The following ELL2 variants were observed in gnomAD, a reference collection of about 807,000 sequenced individuals.
ELL2 encodes the protein RNA polymerase II elongation factor ELL2.
Under a neutral mutation model 72.8 loss-of-function variants are expected in ELL2, and 21 were observed. The ratio of observed to expected loss-of-function variants is 0.29; its 90% CI spans 0.20 to 0.42. ELL2 has a LOEUF of 0.42. Among genes scored for constraint, ELL2 ranks in the 10% least tolerant of loss-of-function variants. The probability of loss-of-function intolerance (pLI) is 1.00; values close to 1 mark genes in which losing one functional copy is unlikely to be tolerated. For synonymous variants in ELL2, 266 were observed against 283.2 expected (o/e 0.94, Z 0.61); for missense variants, 568 against 772.8 (o/e 0.73, Z 3.14).
chr5:95,891,824 C>T (rs1365331201), intron 9 of ELL2, among the ~76,000 whole-genome samples: 1 of 152,208 alleles, frequency 6.6e-6, no homozygotes, highest in Non-Finnish European at 1.5e-5. Flanking sequence ...TCCTCTATCC[C>T]TTTCCTCATA....
At position 95,961,612 on chromosome 5, in the gene ELL2, G is replaced by C. The variant is rs1707657164; in HGVS notation, c.110C>G (p.Thr37Arg). The C allele has an allele frequency of 1.9e-6, 3 of 1,606,070 alleles. No individual in the cohort carries two copies. The highest frequency in any genetic ancestry group is 2.7e-5 in the African/African-American group (2 of 73,454). ...GTAAGTCTCGAGCGCCCGGATCGCC[G>C]TCTCGGTGAGCTTCACATGCAGTAC... ...ITVLHVKLTE[T>R]AIRALETYQS... Residue 37 changes from threonine (T) to arginine (R), a missense_variant, in exon 1 of 12, where the codon ACG becomes AGG. Transcript: ENST00000237853.
Position 95,943,106 on chromosome 5 carries a change from C to A in ELL2, c.148-57G>T. 1.1e-5 allele frequency: 16 copies of A among 1,450,090 alleles called. No homozygotes were observed. The South Asian group carries it at 1.6e-4, about 15-fold the overall frequency. 89.8% of individuals were successfully genotyped at this position (1,450,090 alleles called of 1,614,324 possible). A position where few individuals can be genotyped will look rare whatever the true frequency, so the allele number is the denominator to read the frequency against. On this transcript the variant is annotated intron_variant, in intron 1 of 11. Transcript: ENST00000237853. ...AAACCTTGGTTACTGTGACATAGAA[C>A]TAAATGTTTAAACTTTAAATCTATG...
At position 95,906,727 on chromosome 5, in the gene ELL2, C is replaced by T. The variant is rs770126062; in HGVS notation, c.537G>A (p.Glu179=). 11 of 1,613,962 alleles carry T rather than the reference C, an allele frequency of 6.8e-6. No homozygotes were observed. In the East Asian group the frequency reaches 2.5e-4, roughly 36 times the overall value. The change falls in exon 5 of 12, where the codon GAG becomes GAA. Residue 179 remains glutamate (E), a synonymous_variant. Transcript: ENST00000237853. ...GGTTCATGGGGGTTGACCTTTTCCTCTCAGGAACTGTATCTGAAACAGCTT... is the reference window on the plus strand; with the variant it reads ...GGTTCATGGGGGTTGACCTTTTCCTTTCAGGAACTGTATCTGAAACAGCTT... ...APQAVSDTVP[E]RKRSTPMNPA... is the part of the protein sequence containing the mutation.
chr5:95,904,198 T>A (rs775707693), intron 5 of ELL2, among the ~76,000 whole-genome samples: 6 of 152,190 alleles, frequency 3.9e-5, no homozygotes, highest in Non-Finnish European at 5.9e-5. Context: ...GTCTCATGAA[T>A]AAGCTCCATG....
intron 5 of ELL2, among the ~76,000 whole-genome samples, chr5:95,905,621 C>A (rs1041813812): frequency 1.3e-5 from 2 of 152,100 alleles, no homozygotes; most frequent in Non-Finnish European, 2.9e-5. Flanking sequence ...GACTGGCTAA[C>A]CTGAATTGGA....
At chr5:95,921,959 C>A (rs144997642) in intron 2 of ELL2, among the ~76,000 whole-genome samples, 1 of 152,184 alleles carries the variant, frequency 6.6e-6, no homozygotes, top group African/African-American at 2.4e-5. Flanking sequence ...GCTCCAGCTT[C>A]GGTTTAGATC....
intron 2 of ELL2, among the ~76,000 whole-genome samples, chr5:95,927,104 G>A (rs1263653975): frequency 1.3e-5 from 2 of 151,878 alleles, no homozygotes; most frequent in East Asian, 3.9e-4. Context: ...CACTGTTTAG[G>A]TTTCTATGAC....
At chr5:95,952,955 T>C (rs1309759287) in intron 1 of ELL2, among the ~76,000 whole-genome samples, 2 of 152,182 alleles carry the variant, frequency 1.3e-5, no homozygotes, top group Admixed American at 6.5e-5. Flanking sequence ...ATCAGGAAAG[T>C]GTTTCTAATA....
chr5:95,920,285 T>G (rs1349413568), intron 2 of ELL2, among the ~76,000 whole-genome samples: 1 of 131,120 alleles, frequency 7.6e-6, no homozygotes, highest in African/African-American at 3.3e-5. Flanking sequence ...TAATATTTAT[T>G]TATTTATTTA....
intron 1 of ELL2, among the ~76,000 whole-genome samples, chr5:95,947,312 C>A (rs1027826180): frequency 2.6e-5 from 4 of 152,136 alleles, no homozygotes; most frequent in Admixed American, 6.5e-5. Flanking sequence ...ACAGACAAGA[C>A]AATATGTACT....
In ELL2 at chr5:95,946,970, A is replaced by T. The variant is rs564544610; in HGVS notation, c.148-3921T>A. Among the ~76,000 whole-genome samples the T allele has an allele frequency of 1.1e-4, 17 of 152,322 alleles. 1 individual carries two copies. In the South Asian group the frequency reaches 3.5e-3, roughly 32 times the overall value. The stretch of plus-strand genomic sequence containing the variant: ...TGAATGCCCAAAGGAAAAAAATCCA[A>T]ATTTAAAAATGTTAAACCTGTTTCT... On this transcript the variant is annotated intron_variant, in intron 1 of 11. Coordinates refer to ENST00000237853, the MANE Select transcript of ELL2 (RefSeq NM_012081.6).
chr5:95,920,534 CT>C (rs923643740), intron 2 of ELL2, among the ~76,000 whole-genome samples: 2 of 151,720 alleles, frequency 1.3e-5, no homozygotes, highest in Non-Finnish European at 2.9e-5. Flanking sequence ...ATTTTCTACA[CT>C]CTTGTTCAAG....
At chr5:95,902,405 T>C (rs1749177012) in intron 5 of ELL2, among the ~76,000 whole-genome samples, 1 of 152,214 alleles carries the variant, frequency 6.6e-6, no homozygotes, top group Admixed American at 6.5e-5. Flanking sequence ...TGTAATCTTT[T>C]CTTATCCCTT....
intron 1 of ELL2, among the ~76,000 whole-genome samples, chr5:95,947,606 A>G (rs1751211326): frequency 6.6e-6 from 1 of 152,208 alleles, no homozygotes; most frequent in African/African-American, 2.4e-5. Context: ...TAAGAGGTAG[A>G]GTACATCGCT....
intron 8 of ELL2, 89 bp downstream of exon 8, chr5:95,898,151 G>T: frequency 9.4e-7 from 1 of 1,061,838 alleles, no homozygotes; most frequent in Non-Finnish European, 1.3e-6. Context: ...TAAATGAAAC[G>T]TCATTTGCTA....
intron 5 of ELL2, among the ~76,000 whole-genome samples, chr5:95,905,378 T>C (rs1223177728): frequency 1.3e-5 from 2 of 152,200 alleles, no homozygotes; most frequent in East Asian, 3.8e-4. Context: ...ATTATCAAAC[T>C]GAGAAGCTAA....
chr5:95,890,501 C>T (rs1467523287), intron 10 of ELL2, among the ~76,000 whole-genome samples: 1 of 152,184 alleles, frequency 6.6e-6, no homozygotes, highest in Non-Finnish European at 1.5e-5. Flanking sequence ...CAAAAATAAT[C>T]AGGAGACAGG....
intron 2 of ELL2, among the ~76,000 whole-genome samples, chr5:95,938,213 A>G (rs1190603076): frequency 6.6e-6 from 1 of 152,192 alleles, no homozygotes; most frequent in Non-Finnish European, 1.5e-5. Flanking sequence ...TTATAGCAGT[A>G]TTCAAGCCTT....
chr5:95,938,143 G>A (rs1750845124), intron 2 of ELL2, among the ~76,000 whole-genome samples: 1 of 152,044 alleles, frequency 6.6e-6, no homozygotes, highest in African/African-American at 2.4e-5. Context: ...GCTAAGTTTG[G>A]GGATAAAAAA....
Sources: allele counts gnomAD v4.1 joint callset (sites outside exome capture counted in the v4.1 genomes callset), GRCh38; gene constraint gnomAD v4.1.1; transcripts MANE v1.5; gene names NCBI Gene and HGNC (gene_info 2026-07-23, HGNC 2026-07-21).